EMID1: variants seen among roughly 807,000 people sequenced by gnomAD.
EMID1 encodes the protein EMI domain-containing protein 1.
Under a neutral mutation model 60.6 loss-of-function variants are expected in EMID1, and 40 were observed. That is an observed-to-expected ratio of 0.66 (90% CI 0.51 to 0.86). EMID1 has a LOEUF of 0.86. EMID1 is among the 40% of genes least tolerant of loss of function. EMID1 has a pLI of 0.00. For missense variants in EMID1, 585 were observed against 597.1 expected (o/e 0.98, Z 0.21); for synonymous variants, 242 against 231.0 (o/e 1.05, Z -0.43).
intron 3 of EMID1, among the ~76,000 whole-genome samples, chr22:29,220,125 CCTT>C (rs1373205423): frequency 3.3e-5 from 5 of 152,180 alleles, no homozygotes; most frequent in Admixed American, 6.5e-5. Context: ...ACCTCACCCT[CCTT>C]CTGTTTGAAC....
intron 3 of EMID1, chr22:29,216,720 GGT>G (rs1373571976): frequency 4.2e-6 from 4 of 946,862 alleles, no homozygotes; most frequent in Non-Finnish European, 5.0e-6. Context: ...GGCCCAGTGA[GGT>G]GGAGTGGAGT....
At chr22:29,239,312 G>A (rs1320258521) in intron 12 of EMID1, among the ~76,000 whole-genome samples, 1 of 117,384 alleles carries the variant, frequency 8.5e-6, no homozygotes, top group Non-Finnish European at 1.7e-5. Flanking sequence ...TTTTTTTAAT[G>A]TAGAGGCAGG....
At chr22:29,257,369 A>T (rs1383776251) in intron 14 of EMID1, among the ~76,000 whole-genome samples, 1 of 152,208 alleles carries the variant, frequency 6.6e-6, no homozygotes, top group Non-Finnish European at 1.5e-5. Context: ...CCTGGGCTGG[A>T]TTGATCATCT....
intron 8 of EMID1, 149 bp from the exon 9 acceptor site, chr22:29,233,230 C>T (rs2040818844): frequency 2.6e-6 from 2 of 770,370 alleles, no homozygotes; most frequent in Admixed American, 4.1e-5. Context: ...TCTCCACACT[C>T]CTCACCCTGG....
At chr22:29,226,459 G>A (rs2040513518) in intron 4 of EMID1, 31 bp from the exon 5 acceptor site, 3 of 1,608,844 alleles carry the variant, frequency 1.9e-6, no homozygotes, top group Non-Finnish European at 1.7e-6. Flanking sequence ...AGGACCCTTG[G>A]CCCTGGCCCC....
At position 29,234,560 on chromosome 22, in the gene EMID1, C is replaced by T. The variant is rs948058305; in HGVS notation, c.1074+211C>T. 5.3e-5 allele frequency among the ~76,000 whole-genome samples: 8 copies of T among 152,202 alleles called. No individual in the cohort carries two copies. In the South Asian group the frequency reaches 8.3e-4, roughly 16 times the overall value. On this transcript the variant is annotated intron_variant, in intron 12 of 14. Transcript: ENST00000334018. ...TGGCTCTCTGTTTCTCTGTATCTCT[C>T]TCTTTCCCTCTGTACGTCTGTCTCT...
chr22:29,214,725 A>G (rs960314092), intron 1 of EMID1, among the ~76,000 whole-genome samples: 1 of 152,062 alleles, frequency 6.6e-6, no homozygotes, highest in Admixed American at 6.5e-5. Context: ...CCCCACCCCT[A>G]GGGCCATGAC....
At chr22:29,234,049 G>A in intron 10 of EMID1, 88 bp from the exon 11 acceptor site, 4 of 1,477,888 alleles carry the variant, frequency 2.7e-6, no homozygotes, top group Non-Finnish European at 3.7e-6. Flanking sequence ...GACCAAGCTT[G>A]AGCGCCCTCC....
chr22:29,253,154 C>T (rs1303713703), intron 13 of EMID1, among the ~76,000 whole-genome samples: 3 of 152,322 alleles, frequency 2.0e-5, no homozygotes, highest in African/African-American at 7.2e-5. Context: ...GTCAAAAATG[C>T]ACTTTTTTGG....
rs1200375279 is a variant in EMID1 at position 29,225,178 on chromosome 22, C to T, written c.365C>T (p.Thr122Ile). 2 of 1,613,886 alleles carry T rather than the reference C, an allele frequency of 1.2e-6. No homozygotes were observed. Among genetic ancestry groups the T allele is most frequent in the Non-Finnish European group, 8.5e-7 (1 of 1,180,020 alleles). Residue 122 changes from threonine (T) to isoleucine (I), a missense_variant, in exon 4 of 15, where the codon ACC becomes ATC. Thr to Ile is a moderately conservative substitution (Grantham distance 89). Coordinates refer to ENST00000334018, the MANE Select transcript of EMID1 (RefSeq NM_133455.4). ...TTGGAGCCCATGTGGTCGGGCAGTACCATGCGGCGGATGGCGCTTCGGCCC... is the reference window on the plus strand; with the variant it reads ...TTGGAGCCCATGTGGTCGGGCAGTATCATGCGGCGGATGGCGCTTCGGCCC... Reference protein sequence around the residue: ...ASLEPMWSGSTMRRMALRPTA... With the variant: ...ASLEPMWSGSIMRRMALRPTA...
chr22:29,241,393 G>T (rs1490986259), intron 12 of EMID1, among the ~76,000 whole-genome samples: 1 of 152,024 alleles, frequency 6.6e-6, no homozygotes, highest in African/African-American at 2.4e-5. Context: ...AACTTCTAAG[G>T]TCTTTTTATT....
intron 1 of EMID1, among the ~76,000 whole-genome samples, chr22:29,212,569 C>CTT (rs750493866): frequency 6.4e-5 from 9 of 140,756 alleles, no homozygotes; most frequent in Non-Finnish European, 1.2e-4. Context: ...TGTAATGTGG[C>CTT]TTTTTTTTTT....
In EMID1 at chr22:29,259,102, C is replaced by A; in HGVS notation, c.*158C>A. Reference sequence around the variant, plus strand: ...GGTAAGCAGGTCTCAGTCCTGGCACCATGCACATGTCTGAGGCTGAGCAAG... The same window carrying A: ...GGTAAGCAGGTCTCAGTCCTGGCACAATGCACATGTCTGAGGCTGAGCAAG... On this transcript the variant is annotated 3_prime_UTR_variant, in exon 15 of 15. Coordinates refer to ENST00000334018, the MANE Select transcript of EMID1 (RefSeq NM_133455.4). The A allele has an allele frequency of 8.7e-7, 1 of 1,149,252 alleles. No individual in the cohort carries two copies. The highest frequency in any genetic ancestry group is 1.2e-6 in the Non-Finnish European group (1 of 833,284). 71.2% of individuals were successfully genotyped at this position (1,149,252 alleles called of 1,614,324 possible).
At chr22:29,224,671 TC>T (rs2040432433) in intron 3 of EMID1, among the ~76,000 whole-genome samples, 1 of 152,364 alleles carries the variant, frequency 6.6e-6, no homozygotes, top group East Asian at 1.9e-4. Context: ...TGTGTGCCAG[TC>T]CCTGTGTGTG....
At chr22:29,235,587 G>T (rs1455421422) in intron 12 of EMID1, among the ~76,000 whole-genome samples, 1 of 150,978 alleles carries the variant, frequency 6.6e-6, no homozygotes, top group African/African-American at 2.4e-5. Flanking sequence ...CTTTTTTAGA[G>T]ACAGGGTTTC....
At chr22:29,218,759 C>T (rs535649081) in intron 3 of EMID1, among the ~76,000 whole-genome samples, 1 of 152,346 alleles carries the variant, frequency 6.6e-6, no homozygotes, top group South Asian at 2.1e-4. Flanking sequence ...GTGGGCTCTG[C>T]TGACATTGGG....
intron 3 of EMID1, among the ~76,000 whole-genome samples, chr22:29,217,131 C>G (rs73882500): frequency 1.6e-4 from 25 of 152,306 alleles, no homozygotes; most frequent in African/African-American, 5.5e-4. Flanking sequence ...CAGAGCCTCC[C>G]CAGACAAAGG....
intron 13 of EMID1, among the ~76,000 whole-genome samples, chr22:29,248,729 T>C (rs988864767): frequency 5.9e-5 from 9 of 152,030 alleles, no homozygotes; most frequent in African/African-American, 2.2e-4. Context: ...TGGTCCCAGG[T>C]ACTTGGGAGG....
At chr22:29,243,334 G>A (rs1009449510) in intron 12 of EMID1, 111 bp from the exon 13 acceptor site, 2 of 1,095,170 alleles carry the variant, frequency 1.8e-6, no homozygotes, top group African/African-American at 3.1e-5. Flanking sequence ...GCTACTTTCT[G>A]TTTCTCTAAG....
Sources: allele counts gnomAD v4.1 joint callset (sites outside exome capture counted in the v4.1 genomes callset), GRCh38; gene constraint gnomAD v4.1.1; transcripts MANE v1.5; gene names NCBI Gene and HGNC (gene_info 2026-07-23, HGNC 2026-07-21).